Variants in CDKL5 observed in about 807,000 individuals in gnomAD.
CDKL5 encodes the protein cyclin dependent kinase like 5.
Under a neutral mutation model 61.7 loss-of-function variants are expected in CDKL5, and 8 were observed. The observed-to-expected ratio is 0.13, with a 90% CI of 0.08 to 0.23. The LOEUF (loss-of-function observed/expected upper bound fraction) is 0.23, where lower values mean the gene tolerates loss of function less well. Ranked by LOEUF, CDKL5 falls within the 10% of genes least tolerant of loss-of-function variation. The pLI is 1.00. For missense variants in CDKL5, 440 were observed against 734.5 expected, an observed-to-expected ratio of 0.60 and a Z score of 4.63; for synonymous variants, 275 against 272.3, an observed-to-expected ratio of 1.01 and a Z score of -0.10.
chrX:18,573,513 C>G (rs954087026), intron 4 of CDKL5, among the ~76,000 whole-genome samples: 1 of 112,244 alleles, frequency 8.9e-6, no homozygotes, highest in Non-Finnish European at 1.9e-5. Context: ...TGTCCCCTCC[C>G]AATGCTCTAA....
intron 17 of CDKL5, among the ~76,000 whole-genome samples, chrX:18,625,459 G>T (rs1427908162): frequency 9.0e-6 from 1 of 111,383 alleles, no homozygotes; most frequent in Non-Finnish European, 1.9e-5. Context: ...AAAGATGCAA[G>T]CTTCTGTTAG....
At chrX:18,517,651 A>G (rs1298113232) in intron 3 of CDKL5, among the ~76,000 whole-genome samples, 3 of 111,155 alleles carry the variant, frequency 2.7e-5, no homozygotes, top group African/African-American at 6.5e-5. Context: ...CCTGCAATAT[A>G]TAGGCACTGA....
Position 18,631,873 on chromosome X carries a change from ACT to A in CDKL5, c.*3119_*3120del. On this transcript the variant is annotated 3_prime_UTR_variant, in exon 18 of 18. Transcript: ENST00000623535. The stretch of plus-strand genomic sequence containing the variant: ...CATGCTGAGGGGCTCAAGTGAGCTG[ACT>A]CTACAACTGTGGTTCTCAACTAGGG... 1.3e-6 allele frequency: 1 copy of A among 753,323 alleles called. No individual in the cohort carries two copies. Among genetic ancestry groups the A allele is most frequent in the Non-Finnish European group, 1.6e-6 (1 of 638,554 alleles). The allele number at this position is 753,323 out of a possible 1,213,427, so 62.1% of individuals were successfully genotyped here.
At chrX:18,560,438 T>C (rs1924761649) in intron 3 of CDKL5, among the ~76,000 whole-genome samples, 1 of 111,915 alleles carries the variant, frequency 8.9e-6, no homozygotes, top group South Asian at 3.7e-4. Flanking sequence ...AGGCAAAAAA[T>C]GCAGAAGTTG....
At chrX:18,539,842 A>G (rs1923960114) in intron 3 of CDKL5, among the ~76,000 whole-genome samples, 1 of 111,872 alleles carries the variant, frequency 8.9e-6, no homozygotes, top group African/African-American at 3.2e-5. Flanking sequence ...AGGTATTAAA[A>G]TATACATTTG....
Position 18,632,444 on chromosome X carries a change from A to G in CDKL5, c.*3687A>G. The G allele has an allele frequency of 2.7e-6, 2 of 754,309 alleles. No homozygotes were observed. Among genetic ancestry groups the G allele is most frequent in the Non-Finnish European group, 3.1e-6 (2 of 639,122 alleles). The allele number at this position is 754,309 out of a possible 1,213,427, so 62.2% of individuals were successfully genotyped here. A position where few individuals can be genotyped will look rare whatever the true frequency, so the allele number is the denominator to read the frequency against. On this transcript the variant is annotated 3_prime_UTR_variant, in exon 18 of 18. Coordinates refer to ENST00000623535, the MANE Select transcript of CDKL5 (RefSeq NM_001323289.2). ...TGATTTTTACCAACTGCTCAAAGGC[A>G]TCCGTGGCTTTCAGCTGTGTCTCCC...
At chrX:18,472,083 T>G (rs1921116428) in intron 1 of CDKL5, among the ~76,000 whole-genome samples, 1 of 112,303 alleles carries the variant, frequency 8.9e-6, no homozygotes, top group Non-Finnish European at 1.9e-5. Flanking sequence ...TATTGTTGAC[T>G]ATAGTCACCC....
chrX:18,628,305 C>G (rs1423980487), intron 17 of CDKL5, 66 bp from the exon 18 acceptor site: 1 of 1,132,871 alleles, frequency 8.8e-7, no homozygotes, highest in Non-Finnish European at 1.2e-6. Flanking sequence ...TCTAAGCCCC[C>G]TTCCCTCCCC....
intron 10 of CDKL5, among the ~76,000 whole-genome samples, chrX:18,597,109 C>T (rs1431719014): frequency 1.8e-5 from 2 of 110,804 alleles, no homozygotes; most frequent in Non-Finnish European, 3.8e-5. Context: ...TGCCCCCTTC[C>T]AGGCTTTATG....
chrX:18,628,956 A>G lies in CDKL5; in HGVS notation c.*199A>G. On this transcript the variant is annotated 3_prime_UTR_variant, in exon 18 of 18. Coordinates refer to ENST00000623535, the MANE Select transcript of CDKL5 (RefSeq NM_001323289.2). Reference sequence around the variant, plus strand: ...TGCTAGTCAGGGATCTTAGAGCCACAGGAGTTCCTTAGGGATCGCCACTCC... The same window carrying G: ...TGCTAGTCAGGGATCTTAGAGCCACGGGAGTTCCTTAGGGATCGCCACTCC... 2.9e-6 allele frequency: 3 copies of G among 1,038,774 alleles called. No individual in the cohort carries two copies. Among genetic ancestry groups the G allele is most frequent in the Non-Finnish European group, 3.7e-6 (3 of 815,968 alleles). 85.6% of individuals were successfully genotyped at this position (1,038,774 alleles called of 1,213,427 possible). A position where few individuals can be genotyped will look rare whatever the true frequency, so the allele number is the denominator to read the frequency against.
intron 1 of CDKL5, among the ~76,000 whole-genome samples, chrX:18,483,486 T>C (rs374568134): frequency 3.6e-5 from 4 of 110,778 alleles, no homozygotes; most frequent in African/African-American, 1.3e-4. Flanking sequence ...GGCACAATTT[T>C]GGCTCACTGC....
intron 1 of CDKL5, among the ~76,000 whole-genome samples, chrX:18,492,930 A>G (rs1922044260): frequency 9.0e-6 from 1 of 111,557 alleles, no homozygotes; most frequent in Non-Finnish European, 1.9e-5. Context: ...CTTATGTCCC[A>G]TGGCAAAGAT....
intron 14 of CDKL5, among the ~76,000 whole-genome samples, chrX:18,610,346 C>T (rs1368503822): frequency 8.9e-6 from 1 of 112,347 alleles, no homozygotes; most frequent in Non-Finnish European, 1.9e-5. Flanking sequence ...TCTTTAAGGT[C>T]CTCTTCAGTA....
At chrX:18,580,555 A>G (rs1296948503) in intron 6 of CDKL5, among the ~76,000 whole-genome samples, 1 of 111,423 alleles carries the variant, frequency 9.0e-6, no homozygotes, top group Non-Finnish European at 1.9e-5. Context: ...TTATACTCCC[A>G]TAAACTGTTT....
intron 3 of CDKL5, among the ~76,000 whole-genome samples, chrX:18,554,537 T>C (rs1314105962): frequency 1.9e-5 from 2 of 105,324 alleles, no homozygotes; most frequent in Non-Finnish European, 3.9e-5. Flanking sequence ...TGCCTCAGCC[T>C]CCCAAGTAGC....
chrX:18,617,867 G>A (rs1306738761), intron 15 of CDKL5, among the ~76,000 whole-genome samples: 1 of 111,763 alleles, frequency 8.9e-6, no homozygotes. Flanking sequence ...GGTTTATCCA[G>A]TGCCTCTTGA....
chrX:18,587,162 C>T (rs1040884111), intron 8 of CDKL5, among the ~76,000 whole-genome samples: 8 of 110,851 alleles, frequency 7.2e-5, no homozygotes, highest in African/African-American at 2.3e-4. Flanking sequence ...TGAGCGTGCA[C>T]GCGTGTGTGT....
chrX:18,514,826 A>T (rs1289189272), intron 3 of CDKL5, among the ~76,000 whole-genome samples: 1 of 110,522 alleles, frequency 9.0e-6, no homozygotes, highest in East Asian at 2.8e-4. Context: ...TTTGTGACGA[A>T]GTCTCACTCT....
chrX:18,652,466 C>T (rs764738253), intron 21 of CDKL5, among the ~76,000 whole-genome samples: 7 of 111,675 alleles, frequency 6.3e-5, no homozygotes, highest in East Asian at 5.6e-4. Context: ...GTCAGGAGTT[C>T]GAGACCAGCC....
Sources: allele counts gnomAD v4.1 joint callset (sites outside exome capture counted in the v4.1 genomes callset), GRCh38; gene constraint gnomAD v4.1.1; transcripts MANE v1.5; gene names NCBI Gene and HGNC (gene_info 2026-07-23, HGNC 2026-07-21).